The following CCDC6 variants were observed in gnomAD, a reference collection of about 807,000 sequenced individuals.
The protein encoded by CCDC6 is coiled-coil domain containing 6.
CCDC6 carries 20 observed loss-of-function variants against 56.6 expected under a neutral mutation model. The ratio of observed to expected loss-of-function variants is 0.35; its 90% CI spans 0.25 to 0.51. The LOEUF (loss-of-function observed/expected upper bound fraction) is 0.51. Among genes scored for constraint, CCDC6 ranks in the 20% least tolerant of loss-of-function variants. The pLI, the probability that CCDC6 is intolerant of heterozygous loss-of-function variation, is 0.95. For synonymous variants in CCDC6, 241 were observed against 234.4 expected, an observed-to-expected ratio of 1.03 and a Z score of -0.26; for missense variants, 367 against 601.1, an observed-to-expected ratio of 0.61 and a Z score of 4.07.
chr10:59,851,035 T>C (rs995929156), intron 2 of CCDC6, among the ~76,000 whole-genome samples: 1 of 148,950 alleles, frequency 6.7e-6, no homozygotes, highest in East Asian at 2.0e-4. Flanking sequence ...TCACTCATAC[T>C]GGAGATACAT....
chr10:59,807,057 T>C lies in CCDC6; in HGVS notation c.869A>G (p.Tyr290Cys). ...QLQHSEKMAQ[Y>C]LEEERHMREE... ...TCTCATGTGACGTTCCTCCTCCAGA[T>C]ACTGTGCCATTTTCTCTGAATCTGA... Residue 290 changes from tyrosine to cysteine, a missense_variant, in exon 6 of 9, where the codon TAT (tyrosine) becomes TGT (cysteine). By Grantham distance (194) the Tyr-to-Cys change is radical (BLOSUM62 -2). This residue lies in a region of CCDC6 where 81 missense variants were observed against 150.8 expected (regional missense o/e 0.54). Transcript: ENST00000263102. 1 of 1,613,936 alleles carries C rather than the reference T, an allele frequency of 6.2e-7. No individual in the cohort carries two copies. The highest frequency in any genetic ancestry group is 8.5e-7 in the Non-Finnish European group (1 of 1,179,930).
At chr10:59,897,871 G>A (rs1016514019) in intron 1 of CCDC6, among the ~76,000 whole-genome samples, 1 of 152,104 alleles carries the variant, frequency 6.6e-6, no homozygotes, top group Non-Finnish European at 1.5e-5. Flanking sequence ...CTTATGCCTG[G>A]CTGAACATCC....
At chr10:59,829,537 T>A (rs1214548836) in intron 3 of CCDC6, among the ~76,000 whole-genome samples, 4 of 152,148 alleles carry the variant, frequency 2.6e-5, no homozygotes, top group Non-Finnish European at 1.5e-5. Context: ...CATCAAACGA[T>A]AAATGGATAA....
intron 3 of CCDC6, among the ~76,000 whole-genome samples, chr10:59,824,858 A>C (rs2070775068): frequency 6.6e-6 from 1 of 152,224 alleles, no homozygotes; most frequent in South Asian, 2.1e-4. Flanking sequence ...AAAAATTCCA[A>C]GACTTCCATA....
chr10:59,849,281 T>C (rs998373185), intron 2 of CCDC6, among the ~76,000 whole-genome samples: 1 of 152,210 alleles, frequency 6.6e-6, no homozygotes, highest in Non-Finnish European at 1.5e-5. Flanking sequence ...ATTTTGTGTC[T>C]GTACTGGATA....
chr10:59,810,127 T>C (rs2070660720), intron 5 of CCDC6, among the ~76,000 whole-genome samples: 1 of 152,110 alleles, frequency 6.6e-6, no homozygotes, highest in Admixed American at 6.6e-5. Context: ...TGAGAACTGT[T>C]GAGAGAGAGG....
rs115986631 is a variant in CCDC6 at position 59,792,130 on chromosome 10, T to C, written c.*787A>G. 1.8e-3 allele frequency: 416 copies of C among 231,178 alleles called. 1 individual carries two copies. The highest frequency in any genetic ancestry group is 8.4e-3 in the African/African-American group (379 of 45,120). 14.3% of individuals were successfully genotyped at this position (231,178 alleles called of 1,614,324 possible). On this transcript the variant is annotated 3_prime_UTR_variant, in exon 9 of 9. Coordinates refer to ENST00000263102, the MANE Select transcript of CCDC6 (RefSeq NM_005436.5). ...TCAAATAACACATTCTAATTAGCCA[T>C]TGAAACCACCGGTGAGTAGGACAAC...
At chr10:59,891,775 G>T (rs1171401755) in intron 1 of CCDC6, among the ~76,000 whole-genome samples, 1 of 145,594 alleles carries the variant, frequency 6.9e-6, no homozygotes, top group African/African-American at 2.4e-5. Flanking sequence ...ACTTTAACTT[G>T]TTTATTTACA....
intron 1 of CCDC6, among the ~76,000 whole-genome samples, chr10:59,890,385 AAAGGAGGGGATGCTGCC>A (rs1164406946): frequency 3.3e-5 from 5 of 152,176 alleles, no homozygotes; most frequent in East Asian, 3.9e-4. Flanking sequence ...GAGCCCCGCA[AAAGGAGGGGATGCTGCC>A]AAGGAGGGGA....
At chr10:59,816,709 A>G (rs1312581017) in intron 3 of CCDC6, among the ~76,000 whole-genome samples, 1 of 152,188 alleles carries the variant, frequency 6.6e-6, no homozygotes, top group Admixed American at 6.5e-5. Flanking sequence ...GATAATCACT[A>G]TATCTGGATA....
intron 3 of CCDC6, among the ~76,000 whole-genome samples, chr10:59,827,634 T>C (rs1417840675): frequency 6.6e-6 from 1 of 152,206 alleles, no homozygotes; most frequent in Admixed American, 6.5e-5. Context: ...AAGATATCAT[T>C]ATAAATGGAT....
In CCDC6 at chr10:59,906,311, CCCGCCGCCACCGCCG is replaced by C. The variant is rs1554888799; in HGVS notation, c.99_113del (p.Gly40_Gly44del). 1.2e-6 allele frequency: 2 copies of C among 1,601,022 alleles called. No homozygotes were observed. Among genetic ancestry groups the C allele is most frequent in the South Asian group, 2.2e-5 (2 of 90,926 alleles). On this transcript the variant is annotated inframe_deletion, in exon 1 of 9. Coordinates refer to ENST00000263102, the MANE Select transcript of CCDC6 (RefSeq NM_005436.5). ...CCGACTTCCCACCGCCGCCGCCTCC[CCCGCCGCCACCGCCG>C]CCGCCCGAGGTCGACGAGCAGGACG...
intron 1 of CCDC6, among the ~76,000 whole-genome samples, chr10:59,899,295 T>G: frequency 6.6e-6 from 1 of 152,188 alleles, no homozygotes; most frequent in Non-Finnish European, 1.5e-5. Flanking sequence ...ACAATGTGAT[T>G]GAAAACAAAA....
intron 1 of CCDC6, among the ~76,000 whole-genome samples, chr10:59,869,961 C>T (rs1480272377): frequency 6.6e-6 from 1 of 152,160 alleles, no homozygotes; most frequent in East Asian, 1.9e-4. Context: ...AGGCTGGCTA[C>T]CTGTCATCTC....
At chr10:59,870,999 A>G (rs1327226684) in intron 1 of CCDC6, among the ~76,000 whole-genome samples, 1 of 152,066 alleles carries the variant, frequency 6.6e-6, no homozygotes, top group African/African-American at 2.4e-5. Context: ...ATGAGAGGAG[A>G]GTCAGTCAGA....
At chr10:59,886,253 T>G (rs1055265033) in intron 1 of CCDC6, among the ~76,000 whole-genome samples, 4 of 152,204 alleles carry the variant, frequency 2.6e-5, no homozygotes, top group Non-Finnish European at 5.9e-5. Context: ...TTGAATCCAT[T>G]TAAGCAGCAG....
intron 1 of CCDC6, among the ~76,000 whole-genome samples, chr10:59,854,917 G>A (rs755793266): frequency 6.6e-6 from 1 of 152,228 alleles, no homozygotes; most frequent in Non-Finnish European, 1.5e-5. Context: ...GCTCTTGCAG[G>A]TGATTCTAGA....
chr10:59,855,275 T>C (rs61848704), intron 1 of CCDC6, among the ~76,000 whole-genome samples: 27,609 of 152,250 alleles, frequency 0.18, 3,227 homozygotes, highest in Middle Eastern at 0.27. Context: ...AGAAAGTACA[T>C]TGTGGCTCTA....
intron 2 of CCDC6, among the ~76,000 whole-genome samples, chr10:59,842,453 C>T (rs1300265156): frequency 1.3e-5 from 2 of 152,218 alleles, no homozygotes; most frequent in Non-Finnish European, 2.9e-5. Context: ...CATCTATTAA[C>T]ATGATCATGA....
Sources: allele counts gnomAD v4.1 joint callset (sites outside exome capture counted in the v4.1 genomes callset), GRCh38; gene constraint gnomAD v4.1.1; regional missense constraint gnomAD v4.1.1; transcripts MANE v1.5; gene names NCBI Gene and HGNC (gene_info 2026-07-23, HGNC 2026-07-21).